Variants in FAM162A observed in about 807,000 individuals in gnomAD.
FAM162A encodes protein FAM162A.
Under a neutral mutation model 21.8 loss-of-function variants are expected in FAM162A, and 23 were observed. The ratio of observed to expected loss-of-function variants is 1.05; its 90% confidence interval spans 0.76 to 1.49. The LOEUF (loss-of-function observed/expected upper bound fraction) is 1.49. FAM162A is among the 40% of genes most tolerant of loss of function. The pLI is 0.00. For synonymous variants in FAM162A, 53 were observed against 61.3 expected (o/e 0.86, Z 0.64); for missense variants, 165 against 186.4 (o/e 0.89, Z 0.67).
Position 122,409,939 on chromosome 3 carries a change from C to A in FAM162A, c.*108C>A. Reference sequence around the variant, plus strand: ...GATCCATTTCATAAAGTATGATTTGCCCAAACCTGTACCATTTCCGTATTT... The same window carrying A: ...GATCCATTTCATAAAGTATGATTTGACCAAACCTGTACCATTTCCGTATTT... On this transcript the variant is annotated 3_prime_UTR_variant, in exon 5 of 5. Transcript: ENST00000477892. 1 of 934,820 alleles carries A rather than the reference C, an allele frequency of 1.1e-6. No individual in the cohort carries two copies. The highest frequency in any genetic ancestry group is 1.7e-6 in the Non-Finnish European group (1 of 578,540). The allele number at this position is 934,820 out of a possible 1,614,324, so 57.9% of individuals were successfully genotyped here.
intron 1 of FAM162A, among the ~76,000 whole-genome samples, chr3:122,388,460 T>C (rs563415210): frequency 3.6e-4 from 55 of 152,256 alleles, no homozygotes; most frequent in African/African-American, 8.2e-4. Context: ...GATAAAGATA[T>C]GGGAGCAATT....
intron 3 of FAM162A, among the ~76,000 whole-genome samples, chr3:122,404,964 G>A (rs1455908259): frequency 6.6e-6 from 1 of 152,208 alleles, no homozygotes; most frequent in Non-Finnish European, 1.5e-5. Flanking sequence ...GTTGGAAGAT[G>A]TTTGGCAGCA....
chr3:122,403,030 C>T, intron 2 of FAM162A, 148 bp downstream of exon 2: 1 of 925,994 alleles, frequency 1.1e-6, no homozygotes, highest in Non-Finnish European at 1.6e-6. Flanking sequence ...TGCATGTGCA[C>T]ATGACCAATA....
At position 122,409,994 on chromosome 3, in the gene FAM162A, AAAT is replaced by A. The variant is rs1304329754; in HGVS notation, c.*167_*169del. 1 of 701,452 alleles carries A rather than the reference AAAT, an allele frequency of 1.4e-6. No individual in the cohort carries two copies. The allele number at this position is 701,452 out of a possible 1,614,324, so 43.5% of individuals were successfully genotyped here. Reference sequence around the variant, plus strand: ...TGTAGAAGTAGAAATAAATTTTCTTAAATAATGACTGTGTTTTATTGTTTTGAT... The same window carrying A: ...TGTAGAAGTAGAAATAAATTTTCTTAAATGACTGTGTTTTATTGTTTTGAT... On this transcript the variant is annotated 3_prime_UTR_variant, in exon 5 of 5. Transcript: ENST00000477892.
chr3:122,396,982 A>G (rs755631300), intron 1 of FAM162A, among the ~76,000 whole-genome samples: 5 of 152,172 alleles, frequency 3.3e-5, no homozygotes, highest in Non-Finnish European at 7.3e-5. Flanking sequence ...CTGCTAATGT[A>G]TTCAGGATTT....
intron 1 of FAM162A, among the ~76,000 whole-genome samples, chr3:122,396,706 T>C (rs1042894484): frequency 6.6e-6 from 1 of 152,216 alleles, no homozygotes; most frequent in Non-Finnish European, 1.5e-5. Context: ...TTATTCATAA[T>C]AGCCAAAAAG....
chr3:122,387,137 C>G (rs1253718596), intron 1 of FAM162A, among the ~76,000 whole-genome samples: 2 of 152,178 alleles, frequency 1.3e-5, no homozygotes, highest in African/African-American at 4.8e-5. Flanking sequence ...TATCTTGGAA[C>G]ATGCTGCAAA....
At chr3:122,404,416 G>T in intron 3 of FAM162A, 53 bp downstream of exon 3, 1 of 973,646 alleles carries the variant, frequency 1.0e-6, no homozygotes, top group South Asian at 1.6e-5. Context: ...CTGATCTAAG[G>T]GAAAAGCAAT....
chr3:122,405,194 A>G (rs1042675808), intron 3 of FAM162A, among the ~76,000 whole-genome samples: 3 of 152,234 alleles, frequency 2.0e-5, no homozygotes, highest in Non-Finnish European at 4.4e-5. Flanking sequence ...GTGAGGCATC[A>G]TCCTATTCAG....
chr3:122,411,889 A>C lies in FAM162A; in HGVS notation c.*2058A>C, dbSNP rs1396640668. Reference sequence around the variant, plus strand: ...TATTACAAATATTACATTAAACTAAAGCTCACAACTGTTATTATGCATCAG... The same window carrying C: ...TATTACAAATATTACATTAAACTAACGCTCACAACTGTTATTATGCATCAG... On this transcript the variant is annotated 3_prime_UTR_variant, in exon 5 of 5. Coordinates refer to ENST00000477892, the MANE Select transcript of FAM162A (RefSeq NM_014367.4). 2 of 152,180 alleles carry C rather than the reference A, an allele frequency of 1.3e-5. No homozygotes were observed. The highest frequency in any genetic ancestry group is 2.9e-5 in the Non-Finnish European group (2 of 68,036). 9.4% of individuals were successfully genotyped at this position (152,180 alleles called of 1,614,324 possible). A position where few individuals can be genotyped will look rare whatever the true frequency, so the allele number is the denominator to read the frequency against.
At position 122,409,523 on chromosome 3, in the gene FAM162A, G is replaced by A. The variant is rs1304929845; in HGVS notation, c.373-216G>A. Among the ~76,000 whole-genome samples the A allele has an allele frequency of 3.9e-5, 6 of 152,048 alleles. 1 individual carries two copies. In the South Asian group the frequency reaches 1.2e-3, roughly 31 times the overall value. On this transcript the variant is annotated intron_variant, in intron 4 of 4. Coordinates refer to ENST00000477892, the MANE Select transcript of FAM162A (RefSeq NM_014367.4). ...CCAGAAGGGAAGAAAAAGGAGAGGTGTGGCACTTCTTACTTATGCTTGAGT... is the reference window on the plus strand; with the variant it reads ...CCAGAAGGGAAGAAAAAGGAGAGGTATGGCACTTCTTACTTATGCTTGAGT...
At chr3:122,393,258 A>G (rs1470081640) in intron 1 of FAM162A, among the ~76,000 whole-genome samples, 2 of 152,130 alleles carry the variant, frequency 1.3e-5, no homozygotes, top group Non-Finnish European at 2.9e-5. Flanking sequence ...TTTTTACCCA[A>G]AAGCAATGAT....
intron 1 of FAM162A, among the ~76,000 whole-genome samples, chr3:122,396,953 A>C (rs2075631321): frequency 8.9e-6 from 1 of 112,346 alleles, no homozygotes; most frequent in African/African-American, 3.4e-5. Context: ...GGTTGGGGGA[A>C]GGAGGAAACA....
At chr3:122,406,681 T>C (rs2107701219) in intron 3 of FAM162A, among the ~76,000 whole-genome samples, 1 of 152,366 alleles carries the variant, frequency 6.6e-6, no homozygotes, top group African/African-American at 2.4e-5. Context: ...GCTTAAAGGA[T>C]CTTCCTACTA....
At chr3:122,398,782 TAAG>T (rs2107698623) in intron 1 of FAM162A, among the ~76,000 whole-genome samples, 1 of 152,290 alleles carries the variant, frequency 6.6e-6, no homozygotes, top group East Asian at 1.9e-4. Flanking sequence ...ATACTGATAA[TAAG>T]GAACATTTAA....
At chr3:122,407,475 C>A in intron 4 of FAM162A, 86 bp downstream of exon 4, 2 of 1,034,190 alleles carry the variant, frequency 1.9e-6, no homozygotes, top group South Asian at 1.4e-5. Flanking sequence ...TGTATTTACC[C>A]TCTGAGAAGA....
intron 1 of FAM162A, among the ~76,000 whole-genome samples, chr3:122,386,583 G>A (rs924109107): frequency 1.3e-5 from 2 of 150,128 alleles, no homozygotes; most frequent in African/African-American, 2.5e-5. Flanking sequence ...AAGAAAAGAA[G>A]CATAATCTAG....
At chr3:122,398,435 G>C (rs1229889328) in intron 1 of FAM162A, among the ~76,000 whole-genome samples, 1 of 152,140 alleles carries the variant, frequency 6.6e-6, no homozygotes, top group Non-Finnish European at 1.5e-5. Flanking sequence ...TAATAAGACA[G>C]ACACAATACC....
chr3:122,409,607 C>T (rs940557477), intron 4 of FAM162A, 132 bp from the exon 5 acceptor site: 14 of 725,806 alleles, frequency 1.9e-5, no homozygotes, highest in Non-Finnish European at 2.4e-5. Flanking sequence ...AGGAAACTGC[C>T]GTGCTCAGTG....
Sources: gnomAD v4.1 joint callset for allele counts (sites outside exome capture counted in the v4.1 genomes callset) on GRCh38, gnomAD v4.1.1 for gene constraint, MANE v1.5 for transcripts, NCBI Gene and HGNC (gene_info 2026-07-23, HGNC 2026-07-21) for gene names.